Variants in CDH13 observed in about 807,000 individuals in gnomAD.
CDH13 encodes cadherin-13.
In CDH13, 24 loss-of-function variants were observed where a neutral mutation model predicts 63.8. That is an observed-to-expected ratio of 0.38 (90% CI 0.27 to 0.53). CDH13 has a LOEUF of 0.53. Ranked by LOEUF, CDH13 falls within the 20% of genes least tolerant of loss-of-function variation. The probability of loss-of-function intolerance (pLI) is 0.85; values close to 1 mark genes in which losing one functional copy is unlikely to be tolerated. For missense variants in CDH13, 1,049 were observed against 903.1 expected (o/e 1.16, Z -2.07); for synonymous variants, 503 against 355.3 (o/e 1.42, Z -4.67).
chr16:83,001,656 C>G (rs1319635503), intron 2 of CDH13, among the ~76,000 whole-genome samples: 1 of 152,206 alleles, frequency 6.6e-6, no homozygotes, highest in Non-Finnish European at 1.5e-5. Context: ...AAGCGAATCT[C>G]GCATTTTGCT....
chr16:82,674,042 TTA>T (rs1913606366), intron 1 of CDH13, among the ~76,000 whole-genome samples: 2 of 152,174 alleles, frequency 1.3e-5, no homozygotes, highest in Admixed American at 1.3e-4. Context: ...ACAGAGCTGA[TTA>T]TGTTGGTCCT....
chr16:83,026,841 A>C (rs972353149), intron 2 of CDH13, among the ~76,000 whole-genome samples: 1 of 152,166 alleles, frequency 6.6e-6, no homozygotes, highest in Non-Finnish European at 1.5e-5. Flanking sequence ...GGGGCTATGC[A>C]AGTTTTACTG....
chr16:83,666,432 A>C (rs1913955806), intron 8 of CDH13, among the ~76,000 whole-genome samples: 1 of 152,210 alleles, frequency 6.6e-6, no homozygotes, highest in South Asian at 2.1e-4. Context: ...TGTTTTCCAT[A>C]TTTAAAGATT....
intron 7 of CDH13, among the ~76,000 whole-genome samples, chr16:83,513,127 GC>G (rs1259726161): frequency 6.6e-6 from 1 of 152,084 alleles, no homozygotes; most frequent in Non-Finnish European, 1.5e-5. Flanking sequence ...AGCCTATAAT[GC>G]CTGCTAGTCC....
At chr16:83,109,297 G>T (rs576308652) in intron 3 of CDH13, among the ~76,000 whole-genome samples, 1 of 152,044 alleles carries the variant, frequency 6.6e-6, no homozygotes, top group African/African-American at 2.4e-5. Flanking sequence ...AGTGCAGTAT[G>T]GTGGGAACCA....
chr16:83,568,579 T>A (rs1400657956), intron 7 of CDH13, among the ~76,000 whole-genome samples: 1 of 152,180 alleles, frequency 6.6e-6, no homozygotes, highest in African/African-American at 2.4e-5. Context: ...GGAGTAAATC[T>A]GGCCAGTTCC....
At chr16:83,615,083 G>T (rs956273942) in intron 8 of CDH13, among the ~76,000 whole-genome samples, 1 of 152,144 alleles carries the variant, frequency 6.6e-6, no homozygotes, top group Non-Finnish European at 1.5e-5. Context: ...CAGCTATGAA[G>T]TTAGAAGACA....
intron 7 of CDH13, among the ~76,000 whole-genome samples, chr16:83,599,349 C>T (rs1907566678): frequency 2.0e-5 from 3 of 152,140 alleles, no homozygotes; most frequent in Admixed American, 1.3e-4. Context: ...AGAGACCAGC[C>T]CTGTCTGAGA....
At chr16:82,763,901 G>A (rs2034949208) in intron 1 of CDH13, among the ~76,000 whole-genome samples, 1 of 152,078 alleles carries the variant, frequency 6.6e-6, no homozygotes, top group Non-Finnish European at 1.5e-5. Flanking sequence ...TTGAACTCCT[G>A]GGCTCAAGCA....
intron 2 of CDH13, among the ~76,000 whole-genome samples, chr16:82,945,995 T>C (rs1160323228): frequency 6.6e-6 from 1 of 152,126 alleles, no homozygotes; most frequent in Non-Finnish European, 1.5e-5. Flanking sequence ...TCCTTCCGTA[T>C]GTTTTGTAAT....
At chr16:83,129,877 G>A (rs1388090429) in intron 4 of CDH13, among the ~76,000 whole-genome samples, 1 of 152,092 alleles carries the variant, frequency 6.6e-6, no homozygotes, top group African/African-American at 2.4e-5. Context: ...ATTATTTTTT[G>A]CATACTTCAT....
chr16:82,799,419 C>T (rs1039445542), intron 1 of CDH13, among the ~76,000 whole-genome samples: 2 of 152,180 alleles, frequency 1.3e-5, no homozygotes, highest in Non-Finnish European at 2.9e-5. Context: ...GGGCTTTTAA[C>T]CCTAATTTCT....
Position 82,876,766 on chromosome 16 carries a change from A to G in CDH13, c.157+18293A>G, listed in dbSNP as rs142922332. Among the ~76,000 whole-genome samples, 33 of 152,354 alleles carry G rather than the reference A, an allele frequency of 2.2e-4. No homozygotes were observed. The East Asian group carries it at 6.0e-3, about 28-fold the overall frequency. ...CCACTTTGTGGTCTAGCAGACAGGT[A>G]TCATGTTTGGAAGCCCATTCCCTAA... On this transcript the variant is annotated intron_variant, in intron 2 of 13. Transcript: ENST00000567109.
At chr16:82,902,663 C>A (rs1453955373) in intron 2 of CDH13, among the ~76,000 whole-genome samples, 1 of 149,516 alleles carries the variant, frequency 6.7e-6, no homozygotes, top group Non-Finnish European at 1.5e-5. Flanking sequence ...GTGTCATATT[C>A]ATTACTGCTG....
intron 6 of CDH13, among the ~76,000 whole-genome samples, chr16:83,373,427 C>T (rs914626735): frequency 6.6e-6 from 1 of 152,096 alleles, no homozygotes; most frequent in Non-Finnish European, 1.5e-5. Context: ...GAAGGAATCC[C>T]TTCTGGATAG....
intron 1 of CDH13, among the ~76,000 whole-genome samples, chr16:82,849,966 A>T (rs2089047011): frequency 6.6e-6 from 1 of 152,248 alleles, no homozygotes; most frequent in Non-Finnish European, 1.5e-5. Context: ...TTGACAATGT[A>T]CCTGGACATC....
At chr16:83,254,300 C>G (rs1905947503) in intron 5 of CDH13, among the ~76,000 whole-genome samples, 1 of 152,168 alleles carries the variant, frequency 6.6e-6, no homozygotes, top group South Asian at 2.1e-4. Flanking sequence ...ATGATCGTTC[C>G]TTAAAATGAG....
rs1023372258 is a variant in CDH13 at position 82,679,686 on chromosome 16, C to T, written c.45+52549C>T. Among the ~76,000 whole-genome samples, 5 of 152,018 alleles carry T rather than the reference C, an allele frequency of 3.3e-5. No individual in the cohort carries two copies. The East Asian group carries it at 5.8e-4, about 18-fold the overall frequency. On this transcript the variant is annotated intron_variant, in intron 1 of 13. Transcript: ENST00000567109. The stretch of plus-strand genomic sequence containing the variant: ...TAATCAGCCTTGGTTATGTATTCGT[C>T]GTCAGATAAATAGGGACGTTAATAC...
At chr16:83,379,938 T>TATATATATAGAGAGAGAGAG in intron 6 of CDH13, among the ~76,000 whole-genome samples, 1,628 of 123,326 alleles carry the variant, frequency 0.013, 19 homozygotes, top group Non-Finnish European at 0.022. Context: ...TATATATATA[T>TATATATATAGAGAGAGAGAG]AGAGAGAGAG....
Sources: allele counts gnomAD v4.1 joint callset (sites outside exome capture counted in the v4.1 genomes callset), GRCh38; gene constraint gnomAD v4.1.1; transcripts MANE v1.5; gene names NCBI Gene and HGNC (gene_info 2026-07-23, HGNC 2026-07-21).